CCDC171: variants seen among roughly 807,000 people sequenced by gnomAD.
CCDC171 encodes the protein coiled-coil domain containing 171.
CCDC171 carries 177 observed loss-of-function variants against 168.2 expected under a neutral mutation model. That is an observed-to-expected ratio of 1.05 (90% confidence interval 0.93 to 1.19). CCDC171 has a LOEUF of 1.19. Among genes scored for constraint, CCDC171 ranks in the 50% most tolerant of loss-of-function variants. The probability of loss-of-function intolerance (pLI) is 0.00; values close to 1 mark genes in which losing one functional copy is unlikely to be tolerated. For missense variants in CCDC171, 1,991 were observed against 1,539.0 expected, an observed-to-expected ratio of 1.29 and a Z score of -4.91; for synonymous variants, 687 against 540.8, an observed-to-expected ratio of 1.27 and a Z score of -3.75.
intron 6 of CCDC171, among the ~76,000 whole-genome samples, chr9:16,034,936 T>C (rs1168588693): frequency 6.6e-6 from 1 of 152,192 alleles, no homozygotes; most frequent in African/African-American, 2.4e-5. Flanking sequence ...AATGCACAAT[T>C]GAGAAGAAAC....
Position 15,657,233 on chromosome 9 carries a change from A to C in CCDC171, c.915+14A>C. ...GAAATTATTCAGGTAAAATGTAAACAAATATTTTGGCCTGCATTTTCTTAA... is the reference window on the plus strand; with the variant it reads ...GAAATTATTCAGGTAAAATGTAAACCAATATTTTGGCCTGCATTTTCTTAA... On this transcript the variant is annotated intron_variant, in intron 8 of 25. Coordinates refer to ENST00000380701, the MANE Select transcript of CCDC171 (RefSeq NM_173550.4). 6.5e-7 allele frequency: 1 copy of C among 1,536,144 alleles called. No homozygotes were observed.
intron 25 of CCDC171, among the ~76,000 whole-genome samples, chr9:15,946,903 G>A (rs1828466189): frequency 6.6e-6 from 1 of 151,900 alleles, no homozygotes; most frequent in Admixed American, 6.6e-5. Flanking sequence ...ATTGATGACG[G>A]GGAGATAGCA....
At chr9:15,760,249 T>G (rs747963739) in intron 18 of CCDC171, among the ~76,000 whole-genome samples, 3 of 152,202 alleles carry the variant, frequency 2.0e-5, no homozygotes, top group Non-Finnish European at 2.9e-5. Flanking sequence ...ATGCCAGTAC[T>G]AAGCTTTTAA....
At chr9:15,712,010 A>G (rs2052705134) in intron 11 of CCDC171, among the ~76,000 whole-genome samples, 1 of 152,184 alleles carries the variant, frequency 6.6e-6, no homozygotes, top group African/African-American at 2.4e-5. Context: ...TCTGAGTTTG[A>G]AGTCCTGAGA....
intron 1 of CCDC171, among the ~76,000 whole-genome samples, chr9:16,052,252 C>A (rs1273153397): frequency 6.6e-6 from 1 of 152,170 alleles, no homozygotes; most frequent in East Asian, 1.9e-4. Context: ...TGAGGAGGCC[C>A]TCTTGGTCCT....
chr9:15,989,354 G>T (rs1008364288), intron 3 of CCDC171, among the ~76,000 whole-genome samples: 1 of 152,312 alleles, frequency 6.6e-6, no homozygotes, highest in African/African-American at 2.4e-5. Context: ...CAACAGACCT[G>T]CAGCTGAGGG....
At position 15,576,091 on chromosome 9, in the gene CCDC171, C is replaced by CAAA. The variant is rs373120688; in HGVS notation, c.178-2747_178-2745dup. On this transcript the variant is annotated intron_variant, in intron 3 of 25. Transcript: ENST00000380701. ...TCGGCAACAGAGCGAGACTCTGTCTCAAAAAAAAAAAAATTATAGCTACAT... is the reference window on the plus strand; with the variant it reads ...TCGGCAACAGAGCGAGACTCTGTCTCAAAAAAAAAAAAAAAATTATAGCTACAT... Among the ~76,000 whole-genome samples the CAAA allele has an allele frequency of 2.1e-3, 296 of 141,030 alleles. 7 individuals carry two copies. The highest frequency in any genetic ancestry group is 0.011 in the Middle Eastern group (3 of 268). The allele number at this position is 141,030 out of a possible 152,430, so 92.5% of individuals were successfully genotyped here. A position where few individuals can be genotyped will look rare whatever the true frequency, so the allele number is the denominator to read the frequency against.
chr9:15,681,390 T>C (rs1352403401), intron 10 of CCDC171, among the ~76,000 whole-genome samples: 1 of 152,130 alleles, frequency 6.6e-6, no homozygotes, highest in African/African-American at 2.4e-5. Flanking sequence ...TTTTTTCATC[T>C]CTCTTAAACT....
intron 3 of CCDC171, among the ~76,000 whole-genome samples, chr9:15,997,090 A>T (rs546398512): frequency 1.3e-4 from 20 of 152,314 alleles, no homozygotes; most frequent in African/African-American, 4.3e-4. Context: ...TGAAAGATAA[A>T]GGGGAAGAAA....
At chr9:15,706,830 T>G (rs75767512) in intron 11 of CCDC171, among the ~76,000 whole-genome samples, 84 of 152,284 alleles carry the variant, frequency 5.5e-4, no homozygotes, top group African/African-American at 1.9e-3. Context: ...CCTTTTTACT[T>G]AGAGAGGCTG....
intron 7 of CCDC171, among the ~76,000 whole-genome samples, chr9:15,647,039 T>TTGACA (rs2047098425): frequency 6.6e-6 from 1 of 152,066 alleles, no homozygotes; most frequent in African/African-American, 2.4e-5. Context: ...AACAGAAATT[T>TTGACA]TGACAAAGTG....
intron 23 of CCDC171, among the ~76,000 whole-genome samples, chr9:15,873,492 C>G (rs1033238154): frequency 6.6e-6 from 1 of 151,828 alleles, no homozygotes; most frequent in African/African-American, 2.4e-5. Context: ...TGGCATTGAG[C>G]TAATTGTATA....
At chr9:15,696,904 G>C (rs34436333) in intron 11 of CCDC171, among the ~76,000 whole-genome samples, 1 of 152,072 alleles carries the variant, frequency 6.6e-6, no homozygotes, top group East Asian at 1.9e-4. Flanking sequence ...GTGTTCCTGC[G>C]AAAGGACTGT....
At chr9:15,754,872 G>A (rs1288034869) in intron 18 of CCDC171, among the ~76,000 whole-genome samples, 1 of 151,974 alleles carries the variant, frequency 6.6e-6, no homozygotes, top group African/African-American at 2.4e-5. Flanking sequence ...AATATTTATT[G>A]CATTAACAGA....
At chr9:15,842,787 ATAAT>A (rs1380573079) in intron 21 of CCDC171, among the ~76,000 whole-genome samples, 1 of 152,028 alleles carries the variant, frequency 6.6e-6, no homozygotes, top group African/African-American at 2.4e-5. Context: ...AATTTATTTT[ATAAT>A]TAATTAAAAA....
chr9:16,007,913 CA>C (rs1249280755), intron 3 of CCDC171, among the ~76,000 whole-genome samples: 1 of 151,934 alleles, frequency 6.6e-6, no homozygotes, highest in East Asian at 1.9e-4. Context: ...TTTCTTTGCC[CA>C]TTTTCAATTG....
chr9:16,082,112 G>C, the CCDC171 span, among the ~76,000 whole-genome samples: 2 of 152,062 alleles, frequency 1.3e-5, no homozygotes, highest in East Asian at 3.8e-4. Flanking sequence ...TTTAGTTTTG[G>C]GGGGACTGCA....
chr9:15,716,443 G>A (rs944365172), intron 11 of CCDC171, among the ~76,000 whole-genome samples: 14 of 151,968 alleles, frequency 9.2e-5, no homozygotes, highest in Admixed American at 9.2e-4. Flanking sequence ...TAAGGTCCTC[G>A]GTTTAGGGTG....
intron 18 of CCDC171, among the ~76,000 whole-genome samples, chr9:15,760,902 C>T (rs754285705): frequency 4.6e-5 from 7 of 152,048 alleles, no homozygotes; most frequent in Admixed American, 1.3e-4. Context: ...TACCTCTTCT[C>T]GGTATCCAAA....
Sources: gnomAD v4.1 joint callset for allele counts (sites outside exome capture counted in the v4.1 genomes callset) on GRCh38, gnomAD v4.1.1 for gene constraint, MANE v1.5 for transcripts, NCBI Gene and HGNC (gene_info 2026-07-23, HGNC 2026-07-21) for gene names.